The following COMMD10 variants were observed in gnomAD, a reference collection of about 807,000 sequenced individuals.
COMMD10 encodes the protein COMM domain-containing protein 10.
COMMD10 carries 33 observed loss-of-function variants against 28.9 expected under a neutral mutation model. That is an observed-to-expected ratio of 1.14 (90% CI 0.87 to 1.53). The LOEUF is 1.53. Among genes scored for constraint, COMMD10 ranks in the 40% most tolerant of loss-of-function variants. COMMD10 has a pLI of 0.00. For missense variants in COMMD10, 310 were observed against 233.4 expected, an observed-to-expected ratio of 1.33 and a Z score of -2.14; for synonymous variants, 110 against 81.7, an observed-to-expected ratio of 1.35 and a Z score of -1.87.
At chr5:116,275,910 C>G (rs1750897613) in intron 5 of COMMD10, among the ~76,000 whole-genome samples, 1 of 150,792 alleles carries the variant, frequency 6.6e-6, no homozygotes, top group African/African-American at 2.5e-5. Context: ...CTTATTTAAT[C>G]CTGGCTCCTT....
intron 5 of COMMD10, among the ~76,000 whole-genome samples, chr5:116,208,563 C>T (rs1748877089): frequency 6.6e-6 from 1 of 152,078 alleles, no homozygotes; most frequent in Admixed American, 6.6e-5. Context: ...GGATAGGGAC[C>T]ACAGTAATCT....
chr5:116,168,792 A>G (rs562678265), intron 5 of COMMD10, among the ~76,000 whole-genome samples: 1 of 152,212 alleles, frequency 6.6e-6, no homozygotes, highest in African/African-American at 2.4e-5. Flanking sequence ...GAGAACAAAG[A>G]CACAATGTAC....
intron 5 of COMMD10, among the ~76,000 whole-genome samples, chr5:116,163,402 T>C (rs1053545138): frequency 7.8e-6 from 1 of 127,748 alleles, no homozygotes; most frequent in Non-Finnish European, 1.6e-5. Flanking sequence ...CTGGCCAACA[T>C]GGTGAAACCC....
chr5:116,213,022 AT>A (rs981350663), intron 5 of COMMD10, among the ~76,000 whole-genome samples: 35 of 152,148 alleles, frequency 2.3e-4, no homozygotes, highest in African/African-American at 8.0e-4. Context: ...TATGTTAGGG[AT>A]TTAATAAGTA....
At chr5:116,180,089 T>C (rs1038766277) in intron 5 of COMMD10, among the ~76,000 whole-genome samples, 1 of 152,170 alleles carries the variant, frequency 6.6e-6, no homozygotes, top group Non-Finnish European at 1.5e-5. Context: ...TTTAGGTTTT[T>C]GAGAGCTTTC....
At chr5:116,141,686 G>A (rs1370074229) in intron 5 of COMMD10, among the ~76,000 whole-genome samples, 1 of 151,780 alleles carries the variant, frequency 6.6e-6, no homozygotes, top group African/African-American at 2.4e-5. Context: ...TAGTAGCGGG[G>A]GGCTGGGAAG....
chr5:116,195,849 A>T (rs1748502667), intron 5 of COMMD10, among the ~76,000 whole-genome samples: 1 of 152,192 alleles, frequency 6.6e-6, no homozygotes, highest in African/African-American at 2.4e-5. Context: ...AGCATCACTA[A>T]TGACCAGGGA....
chr5:116,194,544 A>T (rs1580538839), intron 5 of COMMD10, among the ~76,000 whole-genome samples: 1 of 152,314 alleles, frequency 6.6e-6, no homozygotes, highest in East Asian at 1.9e-4. Context: ...GAACAACTTT[A>T]TGCACATAAA....
At chr5:116,085,197 C>T (rs1750048163) in intron 1 of COMMD10, 104 bp downstream of exon 1, 2 of 458,164 alleles carry the variant, frequency 4.4e-6, no homozygotes, top group Admixed American at 2.8e-5. Context: ...CCGCGGCGGG[C>T]CCGGTTGAGT....
At chr5:116,139,734 C>G (rs1009445061) in intron 5 of COMMD10, among the ~76,000 whole-genome samples, 2 of 151,564 alleles carry the variant, frequency 1.3e-5, no homozygotes, top group African/African-American at 4.8e-5. Context: ...TAAAATCATT[C>G]TCTCACATAT....
At chr5:116,220,495 G>A (rs926689717) in intron 5 of COMMD10, among the ~76,000 whole-genome samples, 2 of 152,026 alleles carry the variant, frequency 1.3e-5, no homozygotes, top group African/African-American at 4.8e-5. Flanking sequence ...GGGATGGAAG[G>A]GAACATGTCT....
intron 5 of COMMD10, among the ~76,000 whole-genome samples, chr5:116,165,184 A>G (rs1370229753): frequency 6.6e-6 from 1 of 152,210 alleles, no homozygotes; most frequent in Non-Finnish European, 1.5e-5. Flanking sequence ...AAAAGTCTGA[A>G]TTATCTGGTT....
chr5:116,152,151 A>G (rs1580494367), intron 5 of COMMD10, among the ~76,000 whole-genome samples: 1 of 152,246 alleles, frequency 6.6e-6, no homozygotes, highest in East Asian at 1.9e-4. Flanking sequence ...TTCAGTTTCC[A>G]TGTAGTTGAG....
At chr5:116,225,644 T>C (rs1199590221) in intron 5 of COMMD10, among the ~76,000 whole-genome samples, 1 of 152,122 alleles carries the variant, frequency 6.6e-6, no homozygotes, top group Non-Finnish European at 1.5e-5. Flanking sequence ...CTTTGTTGTT[T>C]CTTTGTGTCT....
chr5:116,255,483 G>C (rs911023056), intron 5 of COMMD10, among the ~76,000 whole-genome samples: 6 of 151,414 alleles, frequency 4.0e-5, no homozygotes, highest in Non-Finnish European at 5.9e-5. Context: ...AGCTCTTTTA[G>C]GGCAGGCCTG....
intron 4 of COMMD10, among the ~76,000 whole-genome samples, chr5:116,096,939 GTTT>G (rs911785568): frequency 1.3e-5 from 2 of 151,380 alleles, no homozygotes; most frequent in African/African-American, 4.9e-5. Flanking sequence ...ATAGTAGCCT[GTTT>G]TCTGTTTATA....
Position 116,148,572 on chromosome 5 carries a change from A to C in COMMD10, c.510+14394A>C, listed in dbSNP as rs1214271004. ...GAATTGTCTAGGTACAACTTCATTT[A>C]TGGAATCAGCAAAGGCTGGTGGAAT... On this transcript the variant is annotated intron_variant, in intron 5 of 6. Coordinates refer to ENST00000274458, the MANE Select transcript of COMMD10 (RefSeq NM_016144.4). Among the ~76,000 whole-genome samples, 3 of 151,864 alleles carry C rather than the reference A, an allele frequency of 2.0e-5. No homozygotes were observed. The East Asian group carries it at 5.8e-4, about 29-fold the overall frequency.
intron 4 of COMMD10, among the ~76,000 whole-genome samples, chr5:116,120,442 A>G (rs1160891105): frequency 6.6e-6 from 1 of 152,114 alleles, no homozygotes; most frequent in Non-Finnish European, 1.5e-5. Flanking sequence ...CTCAGAAATC[A>G]CTGCTACAGA....
At chr5:116,201,617 T>A (rs1054803312) in intron 5 of COMMD10, among the ~76,000 whole-genome samples, 3 of 152,162 alleles carry the variant, frequency 2.0e-5, no homozygotes, top group Non-Finnish European at 4.4e-5. Context: ...TTTTTCAGTT[T>A]GTTGAGATTT....
Sources: allele counts gnomAD v4.1 joint callset (sites outside exome capture counted in the v4.1 genomes callset), GRCh38; gene constraint gnomAD v4.1.1; transcripts MANE v1.5; gene names NCBI Gene and HGNC (gene_info 2026-07-23, HGNC 2026-07-21).